Variants in ADCY5 observed in about 807,000 individuals in gnomAD.
ADCY5 encodes adenylate cyclase type 5.
A neutral mutation model predicts 119.7 loss-of-function variants in ADCY5; 30 were observed. The observed-to-expected ratio is 0.25, with a 90% confidence interval of 0.19 to 0.34. ADCY5 has a LOEUF of 0.34. Ranked by LOEUF, ADCY5 falls within the 10% of genes least tolerant of loss-of-function variation. ADCY5 has a pLI of 1.00. For synonymous variants in ADCY5, 753 were observed against 762.2 expected (o/e 0.99, Z 0.20); for missense variants, 1,324 against 1,775.2 (o/e 0.75, Z 4.57).
At position 123,353,212 on chromosome 3, in the gene ADCY5, TC is replaced by T. The variant is rs201551301; in HGVS notation, c.1135-632del. ...CACCAGCCGGCCAGTGCCTGCCATT[TC>T]CCCCGCTCCCCAACAACTGAGATGT... On this transcript the variant is annotated intron_variant, in intron 1 of 20. Transcript: ENST00000462833. 7.4e-3 allele frequency among the ~76,000 whole-genome samples: 1,126 copies of T among 151,856 alleles called. 7 individuals are homozygous for T. Among genetic ancestry groups the T allele is most frequent in the African/African-American group, 0.025 (1,024 of 41,386 alleles).
intron 1 of ADCY5, among the ~76,000 whole-genome samples, chr3:123,403,014 G>A (rs921065815): frequency 2.0e-5 from 3 of 152,134 alleles, no homozygotes; most frequent in African/African-American, 2.4e-5. Context: ...TGATGGCAAG[G>A]AAATCAAAAG....
At chr3:123,317,195 T>C (rs892112449) in intron 11 of ADCY5, among the ~76,000 whole-genome samples, 2 of 152,208 alleles carry the variant, frequency 1.3e-5, no homozygotes, top group African/African-American at 2.4e-5. Flanking sequence ...GTACTCCCCA[T>C]AGAAGCCATA....
intron 2 of ADCY5, among the ~76,000 whole-genome samples, chr3:123,351,599 A>T (rs1348977092): frequency 2.0e-5 from 3 of 151,286 alleles, no homozygotes. Flanking sequence ...CACCCTGCAG[A>T]CCCGCCCACT....
At chr3:123,323,137 G>T (rs1174272033) in intron 8 of ADCY5, among the ~76,000 whole-genome samples, 1 of 152,194 alleles carries the variant, frequency 6.6e-6, no homozygotes, top group Non-Finnish European at 1.5e-5. Flanking sequence ...CCCCTCAGGG[G>T]ACACCAGGCC....
At chr3:123,336,104 A>C (rs1355683870) in intron 3 of ADCY5, among the ~76,000 whole-genome samples, 2 of 152,198 alleles carry the variant, frequency 1.3e-5, no homozygotes, top group African/African-American at 4.8e-5. Context: ...ATAAGCTCTC[A>C]TGCCCGGTAT....
At chr3:123,434,914 T>C (rs1707121143) in intron 1 of ADCY5, among the ~76,000 whole-genome samples, 1 of 152,162 alleles carries the variant, frequency 6.6e-6, no homozygotes, top group Non-Finnish European at 1.5e-5. Context: ...CTCCCACTAA[T>C]ATGTGACAAT....
chr3:123,411,385 C>T (rs2107624052), intron 1 of ADCY5, among the ~76,000 whole-genome samples: 1 of 152,290 alleles, frequency 6.6e-6, no homozygotes, highest in East Asian at 1.9e-4. Context: ...CCTGACAGGC[C>T]TCACCGATCA....
Position 123,448,590 on chromosome 3 carries a change from G to C in ADCY5, c.-45C>G, listed in dbSNP as rs1945874587. The C allele has an allele frequency of 7.9e-7, 1 of 1,266,352 alleles. No homozygotes were observed. Among genetic ancestry groups the C allele is most frequent in the Non-Finnish European group, 9.9e-7 (1 of 1,008,092 alleles). The allele number at this position is 1,266,352 out of a possible 1,614,324, so 78.4% of individuals were successfully genotyped here. A position where few individuals can be genotyped will look rare whatever the true frequency, so the allele number is the denominator to read the frequency against. ...TCTCCTTCCTCCTCCCCCGGAAGCCGGGCCGGGGGTCTCCAAGGGGAGGGC... is the reference window on the plus strand; with the variant it reads ...TCTCCTTCCTCCTCCCCCGGAAGCCCGGCCGGGGGTCTCCAAGGGGAGGGC... On this transcript the variant is annotated 5_prime_UTR_variant, in exon 1 of 21. Transcript: ENST00000462833.
intron 2 of ADCY5, among the ~76,000 whole-genome samples, 168 bp from the exon 3 acceptor site, chr3:123,348,071 A>ATGTGTGTG (rs1159589053): frequency 1.8e-3 from 89 of 50,138 alleles, no homozygotes; most frequent in South Asian, 2.6e-3. Flanking sequence ...GTGTCTGTGC[A>ATGTGTGTG]TGTGTGTGTA....
rs1945852310 is a variant in ADCY5 at position 123,447,746 on chromosome 3, T to C, written c.800A>G (p.Gln267Arg). 2.5e-6 allele frequency: 4 copies of C among 1,602,710 alleles called. No homozygotes were observed. Among genetic ancestry groups the C allele is most frequent in the Non-Finnish European group, 2.6e-6 (3 of 1,172,990 alleles). Residue 267 changes from glutamine (Q) to arginine (R), a missense_variant, in exon 1 of 21, where the codon CAG (glutamine) becomes CGG (arginine). Gln to Arg is a conservative substitution (Grantham distance 43). This residue lies in a region of ADCY5 where 585 missense variants were observed against 569.9 expected (regional missense o/e 1.03). Transcript: ENST00000462833. ...LAFHAARPPLQLPYLAVLAAA... is the reference protein window; with the variant it reads ...LAFHAARPPLRLPYLAVLAAA... Reference sequence around the variant, plus strand: ...CGCCAGCACGGCCAGGTAGGGCAGCTGGAGCGGGGGCCGCGCCGCGTGGAA... The same window carrying C: ...CGCCAGCACGGCCAGGTAGGGCAGCCGGAGCGGGGGCCGCGCCGCGTGGAA...
At chr3:123,331,990 C>T (rs1353847567) in intron 4 of ADCY5, among the ~76,000 whole-genome samples, 1 of 152,186 alleles carries the variant, frequency 6.6e-6, no homozygotes, top group African/African-American at 2.4e-5. Flanking sequence ...AGGCCTAGAG[C>T]TGGGAAAGGA....
intron 11 of ADCY5, among the ~76,000 whole-genome samples, chr3:123,314,855 T>C (rs1256047347): frequency 6.7e-6 from 1 of 150,058 alleles, no homozygotes; most frequent in Middle Eastern, 3.4e-3. Flanking sequence ...GCTGTCTCTT[T>C]AGAAGGGCAG....
intron 1 of ADCY5, among the ~76,000 whole-genome samples, chr3:123,435,851 T>TTTATTATTA (rs34160272): frequency 4.5e-4 from 57 of 125,884 alleles, no homozygotes; most frequent in East Asian, 7.3e-4. Context: ...CAAGAGCCCT[T>TTTATTATTA]TTATTATTAT....
At chr3:123,416,634 C>T (rs1458485390) in intron 1 of ADCY5, among the ~76,000 whole-genome samples, 2 of 152,176 alleles carry the variant, frequency 1.3e-5, no homozygotes, top group African/African-American at 2.4e-5. Flanking sequence ...CTGCCACGAA[C>T]TGAATTATGG....
chr3:123,430,862 C>T (rs1052941821), intron 1 of ADCY5, among the ~76,000 whole-genome samples: 3 of 152,180 alleles, frequency 2.0e-5, no homozygotes, highest in African/African-American at 7.2e-5. Flanking sequence ...GAGCCCGGAC[C>T]TGCAGCAGAA....
At chr3:123,398,276 CCA>C (rs1944660261) in intron 1 of ADCY5, among the ~76,000 whole-genome samples, 1 of 152,090 alleles carries the variant, frequency 6.6e-6, no homozygotes, top group Admixed American at 6.6e-5. Flanking sequence ...CTACTGGGAC[CCA>C]CACACTTTGG....
chr3:123,357,905 T>A (rs148515192), intron 1 of ADCY5, among the ~76,000 whole-genome samples: 1 of 152,136 alleles, frequency 6.6e-6, no homozygotes, highest in Non-Finnish European at 1.5e-5. Context: ...AAGGAAGGTA[T>A]GTCCAAATGC....
At chr3:123,385,206 C>T (rs532781268) in intron 1 of ADCY5, among the ~76,000 whole-genome samples, 51 of 152,274 alleles carry the variant, frequency 3.3e-4, no homozygotes, top group African/African-American at 1.2e-3. Flanking sequence ...AGAGGCCACC[C>T]TGGAGCCAGA....
Position 123,332,579 on chromosome 3 carries a change from A to G in ADCY5, c.1503T>C (p.Phe501=). The G allele has an allele frequency of 6.2e-7, 1 of 1,613,028 alleles. No homozygotes were observed. Among genetic ancestry groups the G allele is most frequent in the Non-Finnish European group, 8.5e-7 (1 of 1,179,384 alleles). ...GGTGACTCACTGCGGCCAGCTTGTC[A>G]AAGCGGGCGAAGAGCTCGTTGAGGG... ...VMTLNELFAR[F]DKLAAENHCL... The change falls in exon 4 of 21, where the codon TTT becomes TTC. Residue 501 remains phenylalanine (F), a synonymous_variant. Coordinates refer to ENST00000462833, the MANE Select transcript of ADCY5 (RefSeq NM_183357.3).
Sources: gnomAD v4.1 joint callset for allele counts (sites outside exome capture counted in the v4.1 genomes callset) on GRCh38, gnomAD v4.1.1 for gene constraint, gnomAD v4.1.1 regional missense constraint, MANE v1.5 for transcripts, NCBI Gene and HGNC (gene_info 2026-07-23, HGNC 2026-07-21) for gene names.